The following RPS6KA5 variants were observed in gnomAD, a reference collection of about 807,000 sequenced individuals.
The protein encoded by RPS6KA5 is ribosomal protein S6 kinase A5.
Under a neutral mutation model 85.5 loss-of-function variants are expected in RPS6KA5, and 27 were observed. The ratio of observed to expected loss-of-function variants is 0.32; its 90% confidence interval spans 0.23 to 0.44. The LOEUF (loss-of-function observed/expected upper bound fraction) is 0.44. Among genes scored for constraint, RPS6KA5 ranks in the 20% least tolerant of loss-of-function variants. The pLI, the probability that RPS6KA5 is intolerant of heterozygous loss-of-function variation, is 1.00. For synonymous variants in RPS6KA5, 334 were observed against 348.2 expected (o/e 0.96, Z 0.46); for missense variants, 811 against 980.9 (o/e 0.83, Z 2.31).
rs866392921 is a variant in RPS6KA5 at position 90,855,644 on chromosome 14, G to A, written c.*16430C>T. On this transcript the variant is annotated 3_prime_UTR_variant, in exon 17 of 17. Coordinates refer to ENST00000614987, the MANE Select transcript of RPS6KA5 (RefSeq NM_004755.4). The stretch of plus-strand genomic sequence containing the variant: ...TTTTTTTGAGACAGAGTCTTGCTCT[G>A]TTGCCCAGGCTGGAGTGCAGTGGCG... 102 of 147,218 alleles carry A rather than the reference G, an allele frequency of 6.9e-4. No homozygotes were observed. The highest frequency in any genetic ancestry group is 2.4e-3 in the African/African-American group (93 of 39,080). The allele number at this position is 147,218 out of a possible 1,614,324, so 9.1% of individuals were successfully genotyped here.
chr14:91,043,698 C>T (rs2042686417), intron 1 of RPS6KA5, among the ~76,000 whole-genome samples: 1 of 152,192 alleles, frequency 6.6e-6, no homozygotes, highest in South Asian at 2.1e-4. Flanking sequence ...CTCAAACTTA[C>T]TTTGATAGGT....
chr14:90,852,933 A>T lies in RPS6KA5; in HGVS notation c.*19141T>A, dbSNP rs974428850. 1 of 151,944 alleles carries T rather than the reference A, an allele frequency of 6.6e-6. No homozygotes were observed. Among genetic ancestry groups the T allele is most frequent in the African/African-American group, 2.4e-5 (1 of 41,318 alleles). The allele number at this position is 151,944 out of a possible 1,614,324, so 9.4% of individuals were successfully genotyped here. ...TTTTTAGTAGAGACAGGGTTTCACC[A>T]TGTTAGCCAGGATGGTCTCAATCTC... On this transcript the variant is annotated 3_prime_UTR_variant, in exon 17 of 17. Coordinates refer to ENST00000614987, the MANE Select transcript of RPS6KA5 (RefSeq NM_004755.4).
chr14:90,949,936 C>A (rs2038084978), intron 3 of RPS6KA5, among the ~76,000 whole-genome samples: 1 of 152,158 alleles, frequency 6.6e-6, no homozygotes, highest in South Asian at 2.1e-4. Flanking sequence ...GACTTGACAT[C>A]ATAAAATAAG....
At position 90,862,289 on chromosome 14, in the gene RPS6KA5, A is replaced by G. The variant is rs2032592790; in HGVS notation, c.*9785T>C. 1 of 152,210 alleles carries G rather than the reference A, an allele frequency of 6.6e-6. No homozygotes were observed. Among genetic ancestry groups the G allele is most frequent in the African/African-American group, 2.4e-5 (1 of 41,456 alleles). 9.4% of individuals were successfully genotyped at this position (152,210 alleles called of 1,614,324 possible). On this transcript the variant is annotated 3_prime_UTR_variant, in exon 17 of 17. Coordinates refer to ENST00000614987, the MANE Select transcript of RPS6KA5 (RefSeq NM_004755.4). ...TGGTGAATTATTTTAAACAGGAGGA[A>G]TAATATCAGGTGCAAACTCTTCCAG...
At position 90,869,528 on chromosome 14, in the gene RPS6KA5, G is replaced by C. The variant is rs1022211088; in HGVS notation, c.*2546C>G. 2 of 152,132 alleles carry C rather than the reference G, an allele frequency of 1.3e-5. No homozygotes were observed. Among genetic ancestry groups the C allele is most frequent in the Admixed American group, 6.6e-5 (1 of 15,264 alleles). 9.4% of individuals were successfully genotyped at this position (152,132 alleles called of 1,614,324 possible). A position where few individuals can be genotyped will look rare whatever the true frequency, so the allele number is the denominator to read the frequency against. On this transcript the variant is annotated 3_prime_UTR_variant, in exon 17 of 17. Coordinates refer to ENST00000614987, the MANE Select transcript of RPS6KA5 (RefSeq NM_004755.4). ...ATTATATGCAATACAATCAGTAAGTGAAGAAGGGAGGGGGTGGTGTGGCTC... is the reference window on the plus strand; with the variant it reads ...ATTATATGCAATACAATCAGTAAGTCAAGAAGGGAGGGGGTGGTGTGGCTC...
intron 5 of RPS6KA5, among the ~76,000 whole-genome samples, chr14:90,931,799 A>G (rs2036997267): frequency 6.6e-6 from 1 of 152,220 alleles, no homozygotes; most frequent in African/African-American, 2.4e-5. Context: ...CCTCAGTAGG[A>G]GAAAAGATAG....
intron 2 of RPS6KA5, among the ~76,000 whole-genome samples, chr14:90,992,432 C>T (rs2040349029): frequency 6.6e-6 from 1 of 152,104 alleles, no homozygotes; most frequent in Admixed American, 6.6e-5. Flanking sequence ...GTCTTCAAGG[C>T]CTGTAACCAA....
At chr14:90,944,221 G>T (rs2037745636) in intron 4 of RPS6KA5, among the ~76,000 whole-genome samples, 1 of 152,138 alleles carries the variant, frequency 6.6e-6, no homozygotes, top group Non-Finnish European at 1.5e-5. Context: ...ATGTCAGCCT[G>T]AATTAAATGT....
At chr14:91,042,385 G>A (rs1403903559) in intron 1 of RPS6KA5, among the ~76,000 whole-genome samples, 3 of 151,966 alleles carry the variant, frequency 2.0e-5, no homozygotes, top group Admixed American at 6.6e-5. Context: ...GGTGGCACGC[G>A]CCTGTAATCC....
chr14:90,895,777 C>A (rs1275352527), intron 12 of RPS6KA5, among the ~76,000 whole-genome samples: 1 of 152,180 alleles, frequency 6.6e-6, no homozygotes, highest in Non-Finnish European at 1.5e-5. Context: ...ACAGTCCCAG[C>A]TACTCAGGAG....
At chr14:90,958,048 G>A (rs1006508288) in intron 3 of RPS6KA5, among the ~76,000 whole-genome samples, 4 of 152,136 alleles carry the variant, frequency 2.6e-5, no homozygotes, top group Admixed American at 6.5e-5. Context: ...GCTGAGCCAG[G>A]AGGATCGCTT....
intron 2 of RPS6KA5, 57 bp from the exon 3 acceptor site, chr14:90,978,581 AT>A: frequency 7.6e-7 from 1 of 1,310,594 alleles, no homozygotes; most frequent in Middle Eastern, 2.0e-4. Flanking sequence ...CAAAATGGTA[AT>A]TTAGTGCAAC....
At chr14:91,020,614 T>TGTGTG (rs2041719555) in intron 1 of RPS6KA5, among the ~76,000 whole-genome samples, 2 of 91,272 alleles carry the variant, frequency 2.2e-5, no homozygotes, top group African/African-American at 4.2e-5. Context: ...ATATATCCTA[T>TGTGTG]TGTGTGTGTG....
intron 2 of RPS6KA5, among the ~76,000 whole-genome samples, chr14:90,993,292 T>C (rs967100593): frequency 1.3e-5 from 2 of 152,100 alleles, no homozygotes; most frequent in African/African-American, 4.8e-5. Flanking sequence ...ATACAAAAAT[T>C]AGCCAGCCAT....
At chr14:91,005,991 A>G (rs2041002916) in intron 1 of RPS6KA5, among the ~76,000 whole-genome samples, 1 of 152,166 alleles carries the variant, frequency 6.6e-6, no homozygotes, top group African/African-American at 2.4e-5. Flanking sequence ...AGAATTGTAC[A>G]CTGTCTTTCT....
intron 3 of RPS6KA5, among the ~76,000 whole-genome samples, chr14:90,951,994 T>C (rs544786799): frequency 1.5e-4 from 23 of 152,294 alleles, no homozygotes; most frequent in Non-Finnish European, 3.1e-4. Flanking sequence ...TACCCCTTTA[T>C]GGGACTTCAA....
chr14:90,934,456 G>A (rs1287736311), intron 5 of RPS6KA5, among the ~76,000 whole-genome samples: 2 of 152,080 alleles, frequency 1.3e-5, no homozygotes, highest in African/African-American at 4.8e-5. Flanking sequence ...ACTCAGCATA[G>A]TTCTGAATCA....
intron 2 of RPS6KA5, among the ~76,000 whole-genome samples, chr14:90,989,249 A>C (rs893668198): frequency 6.6e-6 from 1 of 152,178 alleles, no homozygotes; most frequent in African/African-American, 2.4e-5. Context: ...ACTTGGGCTC[A>C]CAGAGTTCAT....
In RPS6KA5 at chr14:90,906,174, T is replaced by G. The variant is rs752746147; in HGVS notation, c.932A>C (p.Glu311Ala). The stretch of plus-strand genomic sequence containing the variant: ...CTGAAAGAAGAGATGTTCTTTGATT[T>G]CATCTGCATCACGTGGACCACATCC... The part of the protein sequence containing the change: ...RLGCGPRDAD[E>A]IKEHLFFQKI... Residue 311 changes from glutamate to alanine, a missense_variant, in exon 8 of 17, where the codon GAA becomes GCA. By Grantham distance (107) the Glu-to-Ala change is moderately radical. This residue lies in a region of RPS6KA5 where 650 missense variants were observed against 793.4 expected (regional missense o/e 0.82). Coordinates refer to ENST00000614987, the MANE Select transcript of RPS6KA5 (RefSeq NM_004755.4). The G allele has an allele frequency of 3.5e-5, 56 of 1,606,180 alleles. 1 individual carries two copies. In the South Asian group the frequency reaches 6.2e-4, roughly 18 times the overall value.
Sources: allele counts gnomAD v4.1 joint callset (sites outside exome capture counted in the v4.1 genomes callset), GRCh38; gene constraint gnomAD v4.1.1; regional missense constraint gnomAD v4.1.1; transcripts MANE v1.5; gene names NCBI Gene and HGNC (gene_info 2026-07-23, HGNC 2026-07-21).